Variants in TBC1D8 observed in about 807,000 individuals in gnomAD.
TBC1D8 encodes BUB2-like protein 1.
In TBC1D8, 65 loss-of-function variants were observed where a neutral mutation model predicts 118.8. That is an observed-to-expected ratio of 0.55 (90% CI 0.45 to 0.67). The LOEUF (loss-of-function observed/expected upper bound fraction) is 0.67. Among genes scored for constraint, TBC1D8 ranks in the 30% least tolerant of loss-of-function variants. The pLI, the probability that TBC1D8 is intolerant of heterozygous loss-of-function variation, is 0.00. For synonymous variants in TBC1D8, 566 were observed against 595.8 expected, an observed-to-expected ratio of 0.95 and a Z score of 0.73; for missense variants, 1,376 against 1,471.2, an observed-to-expected ratio of 0.94 and a Z score of 1.06.
rs199595250 is a variant in TBC1D8, at chr2:101,039,594, C to G, written c.1080+584G>C. Among the ~76,000 whole-genome samples the G allele has an allele frequency of 2.6e-5, 4 of 152,294 alleles. No homozygotes were observed. The East Asian group carries it at 7.7e-4, about 29-fold the overall frequency. Reference sequence around the variant, plus strand: ...TCTCACCAGAATTGCTGCCCTGAAGCCAAAGGACTGAGCTGCTCAGATCTG... The same window carrying G: ...TCTCACCAGAATTGCTGCCCTGAAGGCAAAGGACTGAGCTGCTCAGATCTG... On this transcript the variant is annotated intron_variant, in intron 6 of 19. Coordinates refer to ENST00000409318, the MANE Select transcript of TBC1D8 (RefSeq NM_001330348.2).
At chr2:101,063,167 C>CT (rs1337642795) in intron 2 of TBC1D8, among the ~76,000 whole-genome samples, 3 of 152,304 alleles carry the variant, frequency 2.0e-5, no homozygotes, top group Admixed American at 2.0e-4. Flanking sequence ...TAACCGCATG[C>CT]GTCTTCCTCA....
intron 1 of TBC1D8, among the ~76,000 whole-genome samples, chr2:101,100,946 C>T (rs961447070): frequency 5.9e-5 from 9 of 152,220 alleles, no homozygotes; most frequent in East Asian, 1.9e-4. Context: ...AAAAACCCTA[C>T]AAGAAAACCT....
At chr2:101,027,686 T>C (rs1007012694) in intron 14 of TBC1D8, among the ~76,000 whole-genome samples, 6 of 152,200 alleles carry the variant, frequency 3.9e-5, no homozygotes, top group African/African-American at 1.4e-4. Context: ...TACCGAGCTC[T>C]AATGGAAGCC....
rs1679209000 is a variant in TBC1D8, at chr2:101,011,480, G to C, written c.2888C>G (p.Ser963Trp). ...SPLRNPLLST[S>W]RPLVFGKPNG... Reference sequence around the variant, plus strand: ...GGGTTTCCCGAAAACCAGGGGTCTCGATGTTGACAACAGAGGATTCCTCAA... The same window carrying C: ...GGGTTTCCCGAAAACCAGGGGTCTCCATGTTGACAACAGAGGATTCCTCAA... Residue 963 changes from serine to tryptophan, a missense_variant, in exon 18 of 20, where the codon TCG (serine) becomes TGG (tryptophan). By Grantham distance (177) the Ser-to-Trp change is radical (BLOSUM62 -3). Coordinates refer to ENST00000409318, the MANE Select transcript of TBC1D8 (RefSeq NM_001330348.2). 3 of 1,613,816 alleles carry C rather than the reference G, an allele frequency of 1.9e-6. No homozygotes were observed. Among genetic ancestry groups the C allele is most frequent in the African/African-American group, 1.3e-5 (1 of 74,888 alleles).
rs1190820502 is a variant in TBC1D8 at position 101,151,294 on chromosome 2, T to C, written c.-41A>G. 10 of 1,109,310 alleles carry C rather than the reference T, an allele frequency of 9.0e-6. No homozygotes were observed. Among genetic ancestry groups the C allele is most frequent in the Non-Finnish European group, 8.9e-6 (8 of 897,262 alleles). The allele number at this position is 1,109,310 out of a possible 1,614,324, so 68.7% of individuals were successfully genotyped here. ...GCGCCCGCCGGCCCCAGCTCACATCTCCCCGGCCGCCGGTCGCTGTGAGCC... is the reference window on the plus strand; with the variant it reads ...GCGCCCGCCGGCCCCAGCTCACATCCCCCCGGCCGCCGGTCGCTGTGAGCC... On this transcript the variant is annotated 5_prime_UTR_variant, in exon 1 of 20. Coordinates refer to ENST00000409318, the MANE Select transcript of TBC1D8 (RefSeq NM_001330348.2).
chr2:101,072,802 T>A (rs538986734), intron 2 of TBC1D8, among the ~76,000 whole-genome samples: 3 of 152,250 alleles, frequency 2.0e-5, no homozygotes, highest in African/African-American at 7.2e-5. Flanking sequence ...CACAAATTGG[T>A]ACCAAATTGG....
chr2:101,117,236 T>C (rs1353879161), intron 1 of TBC1D8, among the ~76,000 whole-genome samples: 1 of 152,120 alleles, frequency 6.6e-6, no homozygotes, highest in Non-Finnish European at 1.5e-5. Context: ...TGTGGTTTTG[T>C]TTTCAGCCAC....
chr2:101,022,329 C>T lies in TBC1D8; in HGVS notation c.2713G>A (p.Asp905Asn), dbSNP rs1291905528. The T allele has an allele frequency of 6.2e-7, 1 of 1,612,644 alleles. No individual in the cohort carries two copies. Among genetic ancestry groups the T allele is most frequent in the African/African-American group, 1.3e-5 (1 of 74,860 alleles). ...AACTCGATGAGCTGGTCCATGTTGT[C>T]ATCCAAGAGCCTGAACGTCCTTTCG... is the stretch of plus-strand genomic sequence containing the variant. ...LAERTFRLLD[D>N]NMDQLIEFKA... Residue 905 changes from aspartate (D) to asparagine (N), a missense_variant, in exon 16 of 20, where the codon GAC (aspartate) becomes AAC (asparagine). Coordinates refer to ENST00000409318, the MANE Select transcript of TBC1D8 (RefSeq NM_001330348.2).
At chr2:101,016,597 T>A (rs574146951) in intron 17 of TBC1D8, among the ~76,000 whole-genome samples, 1 of 152,206 alleles carries the variant, frequency 6.6e-6, no homozygotes, top group South Asian at 2.1e-4. Context: ...GGACTATAAA[T>A]CATGCTGCTA....
intron 1 of TBC1D8, among the ~76,000 whole-genome samples, chr2:101,147,162 G>A (rs938521974): frequency 1.3e-5 from 2 of 152,236 alleles, no homozygotes; most frequent in African/African-American, 2.4e-5. Context: ...TCATTCTTTC[G>A]TATAGTTGAA....
At chr2:101,106,925 G>GT (rs1239680149) in intron 1 of TBC1D8, among the ~76,000 whole-genome samples, 1 of 152,232 alleles carries the variant, frequency 6.6e-6, no homozygotes, top group East Asian at 1.9e-4. Flanking sequence ...GTAGGCTAAT[G>GT]TAAGTGTTCT....
intron 12 of TBC1D8, 50 bp downstream of exon 12, chr2:101,029,438 GTGC>G: frequency 6.4e-7 from 1 of 1,570,846 alleles, no homozygotes. Context: ...TGCTGGGCAC[GTGC>G]TGCTGCCTCC....
chr2:101,098,168 G>A (rs775977114), intron 1 of TBC1D8, among the ~76,000 whole-genome samples: 21 of 152,142 alleles, frequency 1.4e-4, no homozygotes, highest in African/African-American at 3.6e-4. Context: ...TGAAGTGGGC[G>A]GAGTACCTGA....
chr2:101,020,018 A>T (rs570512988), intron 17 of TBC1D8, among the ~76,000 whole-genome samples: 128 of 150,904 alleles, frequency 8.5e-4, no homozygotes, highest in African/African-American at 3.1e-3. Context: ...GCTTGCAGTG[A>T]GCCGAGATTG....
rs940544269 is a variant in TBC1D8, at chr2:101,117,730, T to C, written c.128-27366A>G. On this transcript the variant is annotated intron_variant, in intron 1 of 19. Transcript: ENST00000409318. ...CTGGGACTACAGGCGCCCGCCACCA[T>C]GCCTGGCTAATTTTTTTTGTATTTC... Among the ~76,000 whole-genome samples the C allele has an allele frequency of 1.6e-4, 24 of 151,940 alleles. No homozygotes were observed. In the South Asian group the frequency reaches 4.4e-3, roughly 28 times the overall value.
At chr2:101,040,030 C>G in intron 6 of TBC1D8, 148 bp downstream of exon 6, 1 of 855,366 alleles carries the variant, frequency 1.2e-6, no homozygotes, top group Non-Finnish European at 1.8e-6. Flanking sequence ...ATGCCTCCCT[C>G]AAGAAGCCCA....
chr2:101,142,099 A>C (rs1393838129), intron 1 of TBC1D8, among the ~76,000 whole-genome samples: 1 of 152,186 alleles, frequency 6.6e-6, no homozygotes, highest in East Asian at 1.9e-4. Flanking sequence ...CAGTGGTCTC[A>C]CTATGTTGCC....
chr2:101,113,769 T>C (rs1357093857), intron 1 of TBC1D8, among the ~76,000 whole-genome samples: 1 of 152,094 alleles, frequency 6.6e-6, no homozygotes, highest in Non-Finnish European at 1.5e-5. Flanking sequence ...AAGGGGTCAG[T>C]GAAGGAAGAC....
chr2:101,088,520 T>C (rs1675795059), intron 2 of TBC1D8, among the ~76,000 whole-genome samples: 1 of 152,230 alleles, frequency 6.6e-6, no homozygotes, highest in South Asian at 2.1e-4. Context: ...ACTCCTGACC[T>C]CGTGATCCAC....
Sources: allele counts gnomAD v4.1 joint callset (sites outside exome capture counted in the v4.1 genomes callset), GRCh38; gene constraint gnomAD v4.1.1; transcripts MANE v1.5; gene names NCBI Gene and HGNC (gene_info 2026-07-23, HGNC 2026-07-21).